DRC11: variants seen among roughly 807,000 people sequenced by gnomAD.
DRC11 encodes dynein regulatory complex subunit 11, also known as IQ and AAA domain-containing protein 1.
At chr2:236,357,956 TATATA>T in the DRC11 span, among the ~76,000 whole-genome samples, 204 of 103,998 alleles carry the variant, frequency 2.0e-3, 2 homozygotes, top group African/African-American at 6.7e-3. Flanking sequence ...TATATAAATA[TATATA>T]ATATATGAAT....
chr2:236,470,646 G>A, the DRC11 span, among the ~76,000 whole-genome samples: 29 of 152,168 alleles, frequency 1.9e-4, no homozygotes, highest in African/African-American at 7.0e-4. The surrounding 1 kb of genome is among the most constrained non-coding windows in gnomAD (Gnocchi z 5.1). Context: ...TCATTTCAGA[G>A]TAATATATCT....
At chr2:236,486,828 C>A in the DRC11 span, 1 of 1,605,512 alleles carries the variant, frequency 6.2e-7, no homozygotes, top group Non-Finnish European at 8.5e-7. The surrounding 1 kb of genome is among the most constrained non-coding windows in gnomAD (Gnocchi z 5.7). Context: ...AAAAAACTTA[C>A]CATACCCAGG....
chr2:236,444,845 C>A, the DRC11 span, among the ~76,000 whole-genome samples: 62 of 152,358 alleles, frequency 4.1e-4, no homozygotes, highest in East Asian at 0.012. Flanking sequence ...TGATGGGAGA[C>A]AGAGATCTGA....
chr2:236,421,022 T>C, the DRC11 span, among the ~76,000 whole-genome samples: 6 of 152,236 alleles, frequency 3.9e-5, no homozygotes, highest in Admixed American at 2.6e-4. Context: ...TCTGGTATGT[T>C]GTGTCTTTGT....
the DRC11 span, chr2:236,331,606 T>G: frequency 2.4e-5 from 39 of 1,600,710 alleles, no homozygotes; most frequent in Non-Finnish European, 3.2e-5. The surrounding 1 kb of genome is among the most constrained non-coding windows in gnomAD (Gnocchi z 4.8). Context: ...AACTGTTGTA[T>G]CCAGAAAAGA....
chr2:236,349,851 T>C, the DRC11 span, among the ~76,000 whole-genome samples: 2 of 152,134 alleles, frequency 1.3e-5, no homozygotes, highest in Non-Finnish European at 2.9e-5. The surrounding 1 kb of genome is among the most constrained non-coding windows in gnomAD (Gnocchi z 5.5). Context: ...GTAACAAACC[T>C]GCACACACAC....
chr2:236,325,537 G>A, the DRC11 span, among the ~76,000 whole-genome samples: 41 of 151,790 alleles, frequency 2.7e-4, no homozygotes, highest in Non-Finnish European at 4.4e-5. This position sits in a 1 kb window ranked among gnomAD's most constrained non-coding sequence, Gnocchi z 4.4. Flanking sequence ...AATTTTACTT[G>A]GTATTGCTAA....
chr2:236,489,237 C>CGGGTGCAGGTGAGGCCTGTGTGGGCTCT, the DRC11 span, among the ~76,000 whole-genome samples: 1 of 107,150 alleles, frequency 9.3e-6, no homozygotes, highest in Non-Finnish European at 1.9e-5. Context: ...GTGTGGGCTC[C>CGGGTGCAGGTGAGGCCTGTGTGGGCTCT]GGGTGCAGGT....
At chr2:236,491,504 A>C in the DRC11 span, among the ~76,000 whole-genome samples, 1 of 151,886 alleles carries the variant, frequency 6.6e-6, no homozygotes, top group African/African-American at 2.4e-5. Flanking sequence ...GAAGAGGAAC[A>C]GTGAGCAGGA....
the DRC11 span, chr2:236,331,451 G>T: frequency 1.6e-4 from 255 of 1,613,922 alleles, no homozygotes; most frequent in African/African-American, 2.9e-3. This position sits in a 1 kb window ranked among gnomAD's most constrained non-coding sequence, Gnocchi z 4.8. Flanking sequence ...TGAATTTGCC[G>T]CCGGATTCTC....
At chr2:236,364,272 T>C in the DRC11 span, among the ~76,000 whole-genome samples, 3 of 151,050 alleles carry the variant, frequency 2.0e-5, no homozygotes, top group Non-Finnish European at 4.4e-5. Flanking sequence ...TTAAAGAGCA[T>C]TCCTGCAATA....
chr2:236,395,968 A>G, the DRC11 span, among the ~76,000 whole-genome samples: 14 of 152,332 alleles, frequency 9.2e-5, no homozygotes, highest in Non-Finnish European at 1.9e-4. Flanking sequence ...TTATGTAGAA[A>G]CAGTTGTACG....
chr2:236,321,038 G>A, the DRC11 span, among the ~76,000 whole-genome samples: 2 of 152,212 alleles, frequency 1.3e-5, no homozygotes, highest in Non-Finnish European at 2.9e-5. Flanking sequence ...TTCTCCTACT[G>A]AGTCAGTGTG....
the DRC11 span, among the ~76,000 whole-genome samples, chr2:236,376,197 G>A: frequency 6.6e-6 from 1 of 152,184 alleles, no homozygotes; most frequent in East Asian, 1.9e-4. This position sits in a 1 kb window ranked among gnomAD's most constrained non-coding sequence, Gnocchi z 5.7. Context: ...AGAAAACCAT[G>A]ACACACATTC....
the DRC11 span, among the ~76,000 whole-genome samples, chr2:236,378,503 T>C: frequency 6.6e-6 from 1 of 151,804 alleles, no homozygotes; most frequent in Non-Finnish European, 1.5e-5. Flanking sequence ...TGAAACCCCA[T>C]CTCTACTAAA....
the DRC11 span, among the ~76,000 whole-genome samples, chr2:236,430,953 T>A: frequency 6.6e-6 from 1 of 152,246 alleles, no homozygotes; most frequent in Non-Finnish European, 1.5e-5. The surrounding 1 kb of genome is among the most constrained non-coding windows in gnomAD (Gnocchi z 6.0). Flanking sequence ...AAAGTGCACT[T>A]TACTGGCTAT....
the DRC11 span, among the ~76,000 whole-genome samples, chr2:236,352,191 G>A: frequency 3.3e-5 from 5 of 152,056 alleles, no homozygotes; most frequent in Non-Finnish European, 7.4e-5. The surrounding 1 kb of genome is among the most constrained non-coding windows in gnomAD (Gnocchi z 7.0). Flanking sequence ...GGGGGCCAAT[G>A]AGCAGGAGGG....
chr2:236,409,886 G>A, the DRC11 span, among the ~76,000 whole-genome samples: 1 of 152,094 alleles, frequency 6.6e-6, no homozygotes, highest in Non-Finnish European at 1.5e-5. Context: ...TTTGTCTTTG[G>A]TTCTGTTTAT....
the DRC11 span, chr2:236,392,194 A>G: frequency 1.4e-6 from 2 of 1,476,154 alleles, no homozygotes; most frequent in Admixed American, 1.7e-5. This position sits in a 1 kb window ranked among gnomAD's most constrained non-coding sequence, Gnocchi z 5.1. Flanking sequence ...AAGAAGCACA[A>G]TGGTTGAAGT....
Sources: gnomAD v4.1 joint callset for allele counts (sites outside exome capture counted in the v4.1 genomes callset) on GRCh38, gnomAD v4.1.1 for gene constraint, Gnocchi (gnomAD v3.1) non-coding constraint, MANE v1.5 for transcripts, NCBI Gene and HGNC (gene_info 2026-07-23, HGNC 2026-07-21) for gene names.